Variants in ARHGEF28 observed in about 807,000 individuals in gnomAD.
ARHGEF28 encodes the protein Rho guanine nucleotide exchange factor 28.
ARHGEF28 carries 152 observed loss-of-function variants against 206.6 expected under a neutral mutation model. The observed-to-expected ratio is 0.74, with a 90% CI of 0.64 to 0.84. The LOEUF is 0.84. Ranked by LOEUF, ARHGEF28 falls within the 40% of genes least tolerant of loss-of-function variation. The pLI, the probability that ARHGEF28 is intolerant of heterozygous loss-of-function variation, is 0.00. For synonymous variants in ARHGEF28, 763 were observed against 776.4 expected, an observed-to-expected ratio of 0.98 and a Z score of 0.29; for missense variants, 2,028 against 2,073.2, an observed-to-expected ratio of 0.98 and a Z score of 0.42.
intron 2 of ARHGEF28, among the ~76,000 whole-genome samples, chr5:73,687,455 T>A (rs1747543485): frequency 6.6e-6 from 1 of 152,008 alleles, no homozygotes; most frequent in Admixed American, 6.6e-5. Context: ...GTCAATATTA[T>A]TGCAAAATGA....
intron 26 of ARHGEF28, among the ~76,000 whole-genome samples, chr5:73,889,638 GA>G (rs1246718056): frequency 6.6e-5 from 10 of 152,220 alleles, no homozygotes; most frequent in Non-Finnish European, 1.5e-5. Context: ...GCACAAAATG[GA>G]TACGGTGTAA....
intron 7 of ARHGEF28, among the ~76,000 whole-genome samples, chr5:73,784,657 C>G (rs2112467904): frequency 6.6e-6 from 1 of 152,266 alleles, no homozygotes; most frequent in South Asian, 2.1e-4. Flanking sequence ...TCCCTCTTAT[C>G]TTTGGGGGAT....
In ARHGEF28 at chr5:73,882,497, TG is replaced by T. The variant is rs751009254; in HGVS notation, c.2841del (p.Met947IlefsTer87). 4 of 1,463,306 alleles carry T rather than the reference TG, an allele frequency of 2.7e-6. No individual in the cohort carries two copies. The highest frequency in any genetic ancestry group is 3.7e-6 in the Non-Finnish European group (4 of 1,090,066). 90.6% of individuals were successfully genotyped at this position (1,463,306 alleles called of 1,614,324 possible). ...TTTTCAGAAGAAAATGCAAGTAAAATGAAGAAAATATATGGAGAATTCTGTT... is the reference window on the plus strand; with the variant it reads ...TTTTCAGAAGAAAATGCAAGTAAAATAAGAAAATATATGGAGAATTCTGTT... ...QQFSEENASKMKKIYGEFCCH... is the reference protein window; with the variant it reads ...QQFSEENASKXKKIYGEFCCH... On this transcript the variant is annotated frameshift_variant, in exon 23 of 36. Coordinates refer to ENST00000513042, the MANE Select transcript of ARHGEF28 (RefSeq NM_001177693.2). LOFTEE classifies it high-confidence loss of function.
intron 2 of ARHGEF28, among the ~76,000 whole-genome samples, chr5:73,747,904 GCT>G (rs1751817251): frequency 6.6e-6 from 1 of 152,192 alleles, no homozygotes; most frequent in Non-Finnish European, 1.5e-5. Flanking sequence ...ACTCTCATAA[GCT>G]GTAGTCCTTG....
intron 4 of ARHGEF28, among the ~76,000 whole-genome samples, chr5:73,759,886 T>C (rs1752510102): frequency 6.6e-6 from 1 of 152,208 alleles, no homozygotes; most frequent in African/African-American, 2.4e-5. Flanking sequence ...GGCCTAGCAA[T>C]GTTTGACAGA....
At position 73,851,905 on chromosome 5, in the gene ARHGEF28, A is replaced by G. The variant is rs146581070; in HGVS notation, c.1748-745A>G. ...TATCATTTCCCTTTGCAACCTAGTT[A>G]TGCCTCTTCACTGTTCTGGATTGTG... On this transcript the variant is annotated intron_variant, in intron 13 of 35. Transcript: ENST00000513042. Among the ~76,000 whole-genome samples, 1,493 of 152,260 alleles carry G rather than the reference A, an allele frequency of 9.8e-3. 23 individuals carry two copies. Among genetic ancestry groups the G allele is most frequent in the African/African-American group, 0.034 (1,411 of 41,542 alleles).
intron 1 of ARHGEF28, among the ~76,000 whole-genome samples, chr5:73,673,375 T>A (rs1746465875): frequency 1.3e-5 from 2 of 152,246 alleles, no homozygotes; most frequent in Non-Finnish European, 2.9e-5. Flanking sequence ...ACCTCAATAG[T>A]TGTTGCTCTG....
chr5:73,873,887 C>T (rs1760268326), intron 22 of ARHGEF28, among the ~76,000 whole-genome samples: 1 of 150,580 alleles, frequency 6.6e-6, no homozygotes, highest in Non-Finnish European at 1.5e-5. Context: ...GGGATAAATG[C>T]CCAGGAATGC....
chr5:73,756,927 G>A (rs1368857095), intron 4 of ARHGEF28, among the ~76,000 whole-genome samples: 1 of 152,104 alleles, frequency 6.6e-6, no homozygotes, highest in Non-Finnish European at 1.5e-5. Flanking sequence ...TTTGGTGAAG[G>A]ACTAACATTA....
intron 35 of ARHGEF28, among the ~76,000 whole-genome samples, chr5:73,914,734 C>CT (rs896119069): frequency 1.1e-4 from 17 of 151,056 alleles, no homozygotes; most frequent in South Asian, 4.2e-4. Flanking sequence ...TTGAGCTGTA[C>CT]TTTTTTTGAG....
At chr5:73,730,358 T>C (rs975248850) in intron 2 of ARHGEF28, among the ~76,000 whole-genome samples, 2 of 152,116 alleles carry the variant, frequency 1.3e-5, no homozygotes, top group Non-Finnish European at 2.9e-5. Context: ...GTGATGGCCA[T>C]GTAGGTGGTT....
At chr5:73,903,018 AT>A (rs1428224374) in intron 31 of ARHGEF28, 1 of 152,196 alleles carries the variant, frequency 6.6e-6, no homozygotes, top group Non-Finnish European at 1.5e-5. Flanking sequence ...TTTGGCACAG[AT>A]CTAATGTCTT....
chr5:73,853,456 C>G (rs577510586), intron 14 of ARHGEF28, among the ~76,000 whole-genome samples: 3 of 152,140 alleles, frequency 2.0e-5, no homozygotes, highest in Non-Finnish European at 4.4e-5. Context: ...ACGTTTTAAA[C>G]GTTTTAGTAT....
At position 73,776,527 on chromosome 5, in the gene ARHGEF28, G is replaced by C; in HGVS notation, c.671G>C (p.Arg224Thr). The stretch of plus-strand genomic sequence containing the variant: ...TTGTGTTGTTTCAGTTTTCAGGGCA[G>C]ATGGTCCCCAAGCTTCTCCCGAGTG... ...LVEDVTNFQG[R>T]WSPSFSRVQL... The change falls in exon 6 of 36, where the codon AGA (arginine) becomes ACA (threonine). Residue 224 changes from arginine to threonine, a missense_variant. Around this residue, in one of 3 missense-constraint regions of ARHGEF28, gnomAD observed 1,002 missense variants for 1,015.3 expected, o/e 0.99. Coordinates refer to ENST00000513042, the MANE Select transcript of ARHGEF28 (RefSeq NM_001177693.2). 1 of 1,610,902 alleles carries C rather than the reference G, an allele frequency of 6.2e-7. No individual in the cohort carries two copies. The highest frequency in any genetic ancestry group is 1.7e-4 in the Middle Eastern group (1 of 6,034).
In ARHGEF28 at chr5:73,811,463, A is replaced by G. The variant is rs186037905; in HGVS notation, c.1024+16072A>G. Among the ~76,000 whole-genome samples, 59 of 152,356 alleles carry G rather than the reference A, an allele frequency of 3.9e-4. No individual in the cohort carries two copies. The East Asian group carries it at 7.3e-3, about 19-fold the overall frequency. On this transcript the variant is annotated intron_variant, in intron 9 of 35. Transcript: ENST00000513042. ...TAAAGGTCATTGACATGGCAGACCGACTATTGTAAATCATTCATTCTTTCA... is the reference window on the plus strand; with the variant it reads ...TAAAGGTCATTGACATGGCAGACCGGCTATTGTAAATCATTCATTCTTTCA...
chr5:73,929,480 G>GTTA (rs1462019814), intron 35 of ARHGEF28, among the ~76,000 whole-genome samples: 1 of 138,392 alleles, frequency 7.2e-6, no homozygotes, highest in Non-Finnish European at 1.6e-5. Flanking sequence ...TTTCACAAAT[G>GTTA]TTATGTGTGT....
intron 5 of ARHGEF28, among the ~76,000 whole-genome samples, chr5:73,775,148 T>A (rs1488652064): frequency 6.6e-6 from 1 of 152,220 alleles, no homozygotes; most frequent in Admixed American, 6.5e-5. Context: ...AACACTTCCT[T>A]TGACTCATTC....
At chr5:73,821,763 G>T (rs776247148) in intron 9 of ARHGEF28, among the ~76,000 whole-genome samples, 83 of 152,072 alleles carry the variant, frequency 5.5e-4, no homozygotes, top group Non-Finnish European at 9.7e-4. Context: ...GAAGGAAGGG[G>T]CTTGTTGATT....
intron 10 of ARHGEF28, among the ~76,000 whole-genome samples, chr5:73,837,166 A>C (rs935763583): frequency 2.2e-4 from 34 of 152,016 alleles, no homozygotes; most frequent in Admixed American, 1.3e-4. Context: ...ATTCCATTCA[A>C]ATTTCAGGAT....
Sources: gnomAD v4.1 joint callset for allele counts (sites outside exome capture counted in the v4.1 genomes callset) on GRCh38, gnomAD v4.1.1 for gene constraint, gnomAD v4.1.1 regional missense constraint, MANE v1.5 for transcripts, NCBI Gene and HGNC (gene_info 2026-07-23, HGNC 2026-07-21) for gene names.